Variants in TNS3 observed in about 807,000 individuals in gnomAD.
The protein encoded by TNS3 is tensin 3.
In TNS3, 45 loss-of-function variants were observed where a neutral mutation model predicts 140.9. That is an observed-to-expected ratio of 0.32 (90% CI 0.25 to 0.41). TNS3 has a LOEUF of 0.41. TNS3 is among the 10% of genes least tolerant of loss of function. The pLI, the probability that TNS3 is intolerant of heterozygous loss-of-function variation, is 1.00. For synonymous variants in TNS3, 815 were observed against 788.4 expected, an observed-to-expected ratio of 1.03 and a Z score of -0.56; for missense variants, 1,716 against 1,906.7, an observed-to-expected ratio of 0.90 and a Z score of 1.86.
chr7:47,442,245 G>C (rs1795502336), intron 4 of TNS3, among the ~76,000 whole-genome samples, 190 bp from the exon 5 acceptor site: 1 of 152,212 alleles, frequency 6.6e-6, no homozygotes, highest in East Asian at 1.9e-4. Context: ...CAGCTCACCA[G>C]AGGACGCAGT....
intron 3 of TNS3, among the ~76,000 whole-genome samples, chr7:47,485,673 G>A (rs1340408793): frequency 1.3e-5 from 2 of 152,232 alleles, no homozygotes; most frequent in African/African-American, 4.8e-5. Context: ...TGGTGGAGGC[G>A]AGGGCCCCTC....
intron 1 of TNS3, among the ~76,000 whole-genome samples, chr7:47,577,785 C>T (rs1239101432): frequency 2.0e-5 from 3 of 152,080 alleles, no homozygotes; most frequent in African/African-American, 7.2e-5. Flanking sequence ...AGGCTGAGAG[C>T]TGGCGGGCTG....
chr7:47,294,634 A>G (rs1785901247), intron 24 of TNS3, among the ~76,000 whole-genome samples: 1 of 152,248 alleles, frequency 6.6e-6, no homozygotes, highest in Admixed American at 6.5e-5. Flanking sequence ...ACCTCCTGGC[A>G]GCAAGATCCA....
rs149853100 is a variant in TNS3 at position 47,360,903 on chromosome 7, T to C, written c.2281+7462A>G. 1.1e-4 allele frequency among the ~76,000 whole-genome samples: 16 copies of C among 152,242 alleles called. No homozygotes were observed. The South Asian group carries it at 3.1e-3, about 30-fold the overall frequency. ...ACACCTGGACTTTTAGAAAGTACCA[T>C]GGATCCCCTGTGTCCCTAGCACGGA... On this transcript the variant is annotated intron_variant, in intron 17 of 30. Coordinates refer to ENST00000311160, the MANE Select transcript of TNS3 (RefSeq NM_022748.12).
intron 20 of TNS3, among the ~76,000 whole-genome samples, chr7:47,329,020 A>T (rs1306074456): frequency 6.6e-6 from 1 of 152,090 alleles, no homozygotes; most frequent in Non-Finnish European, 1.5e-5. Flanking sequence ...ACATTCTACA[A>T]AGCCCTTTTC....
chr7:47,489,123 A>G (rs1308406906), intron 3 of TNS3, among the ~76,000 whole-genome samples: 1 of 152,188 alleles, frequency 6.6e-6, no homozygotes, highest in East Asian at 1.9e-4. Flanking sequence ...TAAGCGTCAA[A>G]GCCCAATTTA....
chr7:47,377,625 A>C (rs1320963782), intron 16 of TNS3, among the ~76,000 whole-genome samples: 1 of 151,328 alleles, frequency 6.6e-6, no homozygotes, highest in Non-Finnish European at 1.5e-5. Flanking sequence ...AGATCAAGAC[A>C]AAAATGAGAC....
intron 4 of TNS3, among the ~76,000 whole-genome samples, chr7:47,450,633 C>G (rs760724935): frequency 4.6e-5 from 7 of 152,238 alleles, no homozygotes; most frequent in Non-Finnish European, 7.3e-5. Context: ...CCCAGGGGGG[C>G]TCTGACCACT....
At chr7:47,576,487 GT>G (rs1167159332) in intron 1 of TNS3, among the ~76,000 whole-genome samples, 1 of 152,248 alleles carries the variant, frequency 6.6e-6, no homozygotes, top group African/African-American at 2.4e-5. Context: ...ACTGCCTCCT[GT>G]GCGTACCTTT....
rs183687865 is a variant in TNS3 at position 47,518,349 on chromosome 7, T to C, written c.-153+10687A>G. Among the ~76,000 whole-genome samples the C allele has an allele frequency of 2.7e-4, 41 of 152,268 alleles. 1 individual carries two copies. The highest frequency in any genetic ancestry group is 2.4e-3 in the Admixed American group (37 of 15,304). The stretch of plus-strand genomic sequence containing the variant: ...CGATGTCATAGGGCGGCCATCTCCA[T>C]GCTCTTATCTATTTGCTGTTCTCAC... On this transcript the variant is annotated intron_variant, in intron 2 of 30. Coordinates refer to ENST00000311160, the MANE Select transcript of TNS3 (RefSeq NM_022748.12).
intron 16 of TNS3, among the ~76,000 whole-genome samples, chr7:47,394,408 C>T (rs1792707678): frequency 6.6e-6 from 1 of 152,188 alleles, no homozygotes; most frequent in African/African-American, 2.4e-5. Flanking sequence ...TGACAGCCCT[C>T]ACCAGAATCC....
chr7:47,423,635 G>C (rs1225367152), intron 10 of TNS3, among the ~76,000 whole-genome samples: 1 of 152,242 alleles, frequency 6.6e-6, no homozygotes, highest in Non-Finnish European at 1.5e-5. Context: ...TTGCAATACA[G>C]CCACATTCCC....
chr7:47,560,739 AG>A (rs1422219761), intron 1 of TNS3, among the ~76,000 whole-genome samples: 1 of 152,190 alleles, frequency 6.6e-6, no homozygotes, highest in African/African-American at 2.4e-5. Flanking sequence ...AAACCCACCC[AG>A]AACAGTGTCC....
At chr7:47,440,120 G>C (rs1426350927) in intron 5 of TNS3, among the ~76,000 whole-genome samples, 1 of 152,104 alleles carries the variant, frequency 6.6e-6, no homozygotes, top group Admixed American at 6.5e-5. Flanking sequence ...GAGATGGTGT[G>C]AGCAGAAGCC....
intron 26 of TNS3, among the ~76,000 whole-genome samples, chr7:47,292,463 T>C (rs187137228): frequency 6.6e-6 from 1 of 152,350 alleles, no homozygotes; most frequent in Admixed American, 6.5e-5. Flanking sequence ...GCATCCATCA[T>C]CTAAGTTCAA....
chr7:47,344,577 TG>T (rs1478156799), intron 20 of TNS3, among the ~76,000 whole-genome samples, 177 bp downstream of exon 20: 1 of 152,212 alleles, frequency 6.6e-6, no homozygotes, highest in African/African-American at 2.4e-5. Context: ...CACCACACAG[TG>T]GATTTCACGG....
In TNS3 at chr7:47,286,204, C is replaced by G. The variant is rs79911123; in HGVS notation, c.3929-2339G>C. Among the ~76,000 whole-genome samples the G allele has an allele frequency of 1.6e-3, 241 of 152,302 alleles. 1 individual carries two copies. Among genetic ancestry groups the G allele is most frequent in the African/African-American group, 5.6e-3 (233 of 41,556 alleles). ...ACACAGAACCACAGCTGCCACAACC[C>G]AGACCCATGCTCTCTTGAAGGAGTC... On this transcript the variant is annotated intron_variant, in intron 27 of 30. Coordinates refer to ENST00000311160, the MANE Select transcript of TNS3 (RefSeq NM_022748.12).
chr7:47,309,413 C>T (rs1786951315), intron 20 of TNS3, among the ~76,000 whole-genome samples: 1 of 151,954 alleles, frequency 6.6e-6, no homozygotes, highest in Non-Finnish European at 1.5e-5. Flanking sequence ...AAAAAATATG[C>T]TATGAGAGTA....
At chr7:47,385,794 T>C (rs1310796700) in intron 16 of TNS3, among the ~76,000 whole-genome samples, 1 of 152,178 alleles carries the variant, frequency 6.6e-6, no homozygotes, top group African/African-American at 2.4e-5. Context: ...CTTTTCCTTC[T>C]GCCTCATCCT....
Sources: gnomAD v4.1 joint callset for allele counts (sites outside exome capture counted in the v4.1 genomes callset) on GRCh38, gnomAD v4.1.1 for gene constraint, MANE v1.5 for transcripts, NCBI Gene and HGNC (gene_info 2026-07-23, HGNC 2026-07-21) for gene names.